AGBL1: variants seen among roughly 807,000 people sequenced by gnomAD.
AGBL1 encodes AGBL carboxypeptidase 1.
In AGBL1, 130 loss-of-function variants were observed where a neutral mutation model predicts 118.9. That is an observed-to-expected ratio of 1.09 (90% CI 0.95 to 1.26). AGBL1 has a LOEUF of 1.26. AGBL1 is among the 50% of genes most tolerant of loss of function. The probability of loss-of-function intolerance (pLI) is 0.00; values close to 1 mark genes in which losing one functional copy is unlikely to be tolerated. For missense variants in AGBL1, 1,584 were observed against 1,298.1 expected (o/e 1.22, Z -3.38); for synonymous variants, 555 against 478.9 (o/e 1.16, Z -2.08).
intron 19 of AGBL1, among the ~76,000 whole-genome samples, chr15:86,523,549 A>C (rs971264043): frequency 1.3e-5 from 2 of 152,178 alleles, no homozygotes; most frequent in African/African-American, 4.8e-5. Flanking sequence ...CCAGCGTAGT[A>C]GTCATTGGTA....
intron 22 of AGBL1, among the ~76,000 whole-genome samples, chr15:86,675,866 G>A (rs928992059): frequency 2.0e-5 from 3 of 152,104 alleles, no homozygotes; most frequent in Admixed American, 1.3e-4. Context: ...GATTGTGCCC[G>A]TCTGTTTGAT....
In AGBL1 at chr15:86,200,553, C is replaced by G. The variant is rs111357336; in HGVS notation, c.489-24361C>G. On this transcript the variant is annotated intron_variant, in intron 5 of 22. Coordinates refer to ENST00000614907, the MANE Select transcript of AGBL1 (RefSeq NM_001386094.1). ...TACTCTAGAGTAATAGACCCCTACC[C>G]CCCCCCCCCTTTTTTTTTTGCTCCC... Among the ~76,000 whole-genome samples the G allele has an allele frequency of 7.6e-4, 65 of 84,968 alleles. 1 individual carries two copies. Among genetic ancestry groups the G allele is most frequent in the African/African-American group, 3.4e-3 (64 of 19,040 alleles). The allele number at this position is 84,968 out of a possible 152,430, so 55.7% of individuals were successfully genotyped here.
intron 5 of AGBL1, among the ~76,000 whole-genome samples, chr15:86,193,382 C>A (rs2077752685): frequency 6.6e-6 from 1 of 152,140 alleles, no homozygotes. Context: ...TTTTTCACTT[C>A]TTTGGAGACT....
chr15:86,835,603 A>T (rs2079160218), intron 22 of AGBL1, among the ~76,000 whole-genome samples: 1 of 152,168 alleles, frequency 6.6e-6, no homozygotes, highest in South Asian at 2.1e-4. Context: ...AGAGAGGAAG[A>T]AGTAGAAGGA....
chr15:87,022,286 C>T (rs1400830768), intron 24 of AGBL1, among the ~76,000 whole-genome samples: 1 of 152,044 alleles, frequency 6.6e-6, no homozygotes, highest in Non-Finnish European at 1.5e-5. Context: ...ATCACACTAG[C>T]TCACCAGCAA....
chr15:87,014,313 T>G (rs1194399135), intron 24 of AGBL1, among the ~76,000 whole-genome samples: 1 of 152,172 alleles, frequency 6.6e-6, no homozygotes, highest in Non-Finnish European at 1.5e-5. Flanking sequence ...TATTTCAATT[T>G]TCCCTCTCTT....
chr15:86,604,595 C>T (rs2084544949), intron 21 of AGBL1, among the ~76,000 whole-genome samples: 1 of 152,098 alleles, frequency 6.6e-6, no homozygotes, highest in Non-Finnish European at 1.5e-5. Context: ...TTTCTATGTG[C>T]CTTACCTTTT....
intron 21 of AGBL1, among the ~76,000 whole-genome samples, chr15:86,567,497 A>G (rs4243102): frequency 0.66 from 100,563 of 152,108 alleles, 34,105 homozygotes; most frequent in East Asian, 0.91. Context: ...AAAGGCATGA[A>G]GAGTTGAGGC....
chr15:86,209,663 C>G (rs1303671303), intron 5 of AGBL1, among the ~76,000 whole-genome samples: 1 of 151,830 alleles, frequency 6.6e-6, no homozygotes. Flanking sequence ...TTTCCGTTTG[C>G]TTGGTAGATC....
At chr15:86,662,325 G>T (rs536121528) in intron 21 of AGBL1, among the ~76,000 whole-genome samples, 1 of 152,232 alleles carries the variant, frequency 6.6e-6, no homozygotes, top group African/African-American at 2.4e-5. Flanking sequence ...CAAGGCATGT[G>T]CACTTTATAT....
chr15:86,404,496 T>C (rs886727570), intron 18 of AGBL1, among the ~76,000 whole-genome samples: 3 of 152,240 alleles, frequency 2.0e-5, no homozygotes, highest in Non-Finnish European at 4.4e-5. Context: ...AACTCAGCTC[T>C]ACTTTTGAAT....
intron 6 of AGBL1, among the ~76,000 whole-genome samples, chr15:86,232,256 C>G (rs1260857256): frequency 3.9e-4 from 59 of 152,196 alleles, no homozygotes; most frequent in Non-Finnish European, 1.5e-4. Context: ...ATCCCTGTCC[C>G]CTTGGGACGG....
rs200285527 is a variant in AGBL1, at chr15:86,262,832, C to T, written c.1024C>T (p.Arg342Ter). ...NKLSSKPGLD[R>*]PEEELMQYEV... ...GCTGAGTTCCAAACCTGGTCTTGAC[C>T]GACCTGAAGAGGAACTGATGCAATA... is the stretch of plus-strand genomic sequence containing the variant. Residue 342 changes from arginine to a stop codon, truncating the protein, a stop_gained, in exon 10 of 23, where the codon CGA becomes TGA. Transcript: ENST00000614907. LOFTEE classifies it high-confidence loss of function. 35 of 1,611,074 alleles carry T rather than the reference C, an allele frequency of 2.2e-5. No homozygotes were observed. In the African/African-American group the frequency reaches 2.8e-4, roughly 13 times the overall value.
intron 24 of AGBL1, among the ~76,000 whole-genome samples, chr15:87,011,718 A>G (rs779756933): frequency 6.6e-6 from 1 of 152,226 alleles, no homozygotes; most frequent in Non-Finnish European, 1.5e-5. Context: ...TTTGTAGTCA[A>G]CAAAGTGCAA....
Position 86,264,699 on chromosome 15 carries a change from G to T in AGBL1, c.1528G>T (p.Asp510Tyr). The change falls in exon 11 of 23, where the codon GAT becomes TAT. Residue 510 changes from aspartate to tyrosine, a missense_variant. Transcript: ENST00000614907. ...QTHLKRVPFH[D>Y]PYLYMAKARR... ...ACATCTGAAGCGTGTCCCTTTCCACGATCCCTATCTTTATATGGCCAAAGC... is the reference window on the plus strand; with the variant it reads ...ACATCTGAAGCGTGTCCCTTTCCACTATCCCTATCTTTATATGGCCAAAGC... 1 of 1,613,928 alleles carries T rather than the reference G, an allele frequency of 6.2e-7. No homozygotes were observed. Among genetic ancestry groups the T allele is most frequent in the Non-Finnish European group, 8.5e-7 (1 of 1,179,872 alleles).
chr15:86,559,027 A>G (rs1159978339), intron 21 of AGBL1, among the ~76,000 whole-genome samples: 2 of 152,102 alleles, frequency 1.3e-5, no homozygotes, highest in Non-Finnish European at 2.9e-5. Flanking sequence ...AGCTTCTTGT[A>G]TTGCCAGAAA....
At chr15:86,441,490 G>A (rs1451991910) in intron 18 of AGBL1, among the ~76,000 whole-genome samples, 3 of 152,182 alleles carry the variant, frequency 2.0e-5, no homozygotes, top group South Asian at 2.1e-4. Flanking sequence ...AAATGACTTT[G>A]AGAACCATCG....
chr15:86,817,305 A>AC (rs1414003563), intron 22 of AGBL1, among the ~76,000 whole-genome samples: 2 of 151,480 alleles, frequency 1.3e-5, no homozygotes, highest in Non-Finnish European at 2.9e-5. Context: ...AAAAAAAAAA[A>AC]AAAAACCACC....
chr15:86,217,928 G>A (rs550132653), intron 5 of AGBL1, among the ~76,000 whole-genome samples: 1 of 152,312 alleles, frequency 6.6e-6, no homozygotes, highest in East Asian at 1.9e-4. Context: ...GACCACTCTA[G>A]TTGCAGACTG....
Sources: gnomAD v4.1 joint callset for allele counts (sites outside exome capture counted in the v4.1 genomes callset) on GRCh38, gnomAD v4.1.1 for gene constraint, MANE v1.5 for transcripts, NCBI Gene and HGNC (gene_info 2026-07-23, HGNC 2026-07-21) for gene names.